The following NPFFR2 variants were observed in gnomAD, a reference collection of about 807,000 sequenced individuals.
NPFFR2 encodes the protein neuropeptide FF receptor 2.
Under a neutral mutation model 13.1 loss-of-function variants are expected in NPFFR2, and 15 were observed. The observed-to-expected ratio is 1.15, with a 90% CI of 0.77 to 1.76. The LOEUF is 1.76. Ranked by LOEUF, NPFFR2 falls within the 40% of genes most tolerant of loss-of-function variation. NPFFR2 has a pLI of 0.00. For synonymous variants in NPFFR2, 190 were observed against 175.7 expected (o/e 1.08, Z -0.65); for missense variants, 572 against 503.5 (o/e 1.14, Z -1.30).
chr4:72,048,900 G>A (rs1278287087), intron 1 of NPFFR2, among the ~76,000 whole-genome samples: 6 of 151,884 alleles, frequency 4.0e-5, no homozygotes, highest in Non-Finnish European at 7.4e-5. Context: ...TGAGGGGTCA[G>A]GTTTCTTATT....
chr4:72,146,867 T>G (rs981982136), intron 3 of NPFFR2, 111 bp from the exon 4 acceptor site: 12 of 709,084 alleles, frequency 1.7e-5, no homozygotes, highest in Non-Finnish European at 2.2e-5. Flanking sequence ...CTTTCTATAT[T>G]TTTGAGGAGA....
intron 2 of NPFFR2, among the ~76,000 whole-genome samples, chr4:72,132,679 A>G (rs1722286735): frequency 6.6e-6 from 1 of 152,144 alleles, no homozygotes; most frequent in Non-Finnish European, 1.5e-5. Context: ...TGACTTTTTA[A>G]TAGTAGCCAC....
intron 1 of NPFFR2, among the ~76,000 whole-genome samples, chr4:72,039,656 C>G (rs1258147997): frequency 1.3e-5 from 2 of 152,088 alleles, no homozygotes; most frequent in South Asian, 2.1e-4. Flanking sequence ...TCAACCATTC[C>G]CTTCTTGATA....
intron 1 of NPFFR2, among the ~76,000 whole-genome samples, chr4:72,127,947 G>C (rs1346227190): frequency 2.0e-5 from 3 of 151,944 alleles, no homozygotes; most frequent in Admixed American, 2.0e-4. Flanking sequence ...GGTCATGATG[G>C]CGTGCACCTG....
chr4:72,147,371 G>T lies in NPFFR2; in HGVS notation c.822G>T (p.Lys274Asn). Residue 274 changes from lysine to asparagine, a missense_variant, in exon 4 of 4, where the codon AAG becomes AAT. Transcript: ENST00000308744. The part of the protein sequence containing the change: ...VVSRKKQKII[K>N]MLLIVALLFI... ...CCAGGAAGAAGCAGAAGATCATTAA[G>T]ATGCTCCTGATTGTGGCCCTGCTTT... The T allele has an allele frequency of 6.2e-7, 1 of 1,614,194 alleles. No individual in the cohort carries two copies. The highest frequency in any genetic ancestry group is 8.5e-7 in the Non-Finnish European group (1 of 1,180,044).
At chr4:72,076,669 G>A (rs1050699892) in intron 1 of NPFFR2, among the ~76,000 whole-genome samples, 4 of 152,112 alleles carry the variant, frequency 2.6e-5, no homozygotes, top group African/African-American at 9.7e-5. Flanking sequence ...TTTTCTTCAG[G>A]ATGATTAAGA....
intron 1 of NPFFR2, among the ~76,000 whole-genome samples, chr4:72,105,102 T>C (rs1172410080): frequency 6.6e-6 from 1 of 151,490 alleles, no homozygotes; most frequent in Admixed American, 6.6e-5. Flanking sequence ...TTCAATGTAA[T>C]ATATACACTT....
chr4:72,076,788 A>G (rs1406139117), intron 1 of NPFFR2, among the ~76,000 whole-genome samples: 1 of 152,158 alleles, frequency 6.6e-6, no homozygotes, highest in East Asian at 1.9e-4. Flanking sequence ...TTCAACAGTC[A>G]TCCAGCAAGA....
At chr4:72,076,312 A>T (rs1028786860) in intron 1 of NPFFR2, among the ~76,000 whole-genome samples, 1 of 152,034 alleles carries the variant, frequency 6.6e-6, no homozygotes, top group African/African-American at 2.4e-5. Context: ...TGAGTAAGAT[A>T]CTTTGTATTT....
intron 1 of NPFFR2, among the ~76,000 whole-genome samples, chr4:72,104,820 A>C (rs1721372616): frequency 6.6e-6 from 1 of 151,950 alleles, no homozygotes; most frequent in South Asian, 2.1e-4. Flanking sequence ...TTAGTATGAA[A>C]TATACATTCA....
chr4:72,112,194 A>G (rs560368635), intron 1 of NPFFR2, among the ~76,000 whole-genome samples: 7 of 152,012 alleles, frequency 4.6e-5, no homozygotes, highest in Non-Finnish European at 1.0e-4. Context: ...AGTTGATTTG[A>G]TTTTTCTAGA....
intron 1 of NPFFR2, among the ~76,000 whole-genome samples, chr4:72,065,122 G>A (rs1720029791): frequency 6.6e-6 from 1 of 150,868 alleles, no homozygotes; most frequent in Middle Eastern, 3.2e-3. Flanking sequence ...TATGACAAAG[G>A]CAATTTTCAC....
chr4:72,092,047 T>G (rs1029940781), intron 1 of NPFFR2, among the ~76,000 whole-genome samples: 6 of 152,086 alleles, frequency 3.9e-5, no homozygotes, highest in Non-Finnish European at 7.4e-5. Flanking sequence ...ACTATTATCA[T>G]TCAATTCAAA....
intron 2 of NPFFR2, among the ~76,000 whole-genome samples, chr4:72,134,951 G>C (rs780742261): frequency 4.6e-4 from 70 of 152,090 alleles, no homozygotes; most frequent in Non-Finnish European, 7.6e-4. Context: ...TCTGAGAAAT[G>C]GTTTATTGAG....
rs1718942420 is a variant in NPFFR2, at chr4:72,032,185, G to A, written c.-23G>A. On this transcript the variant is annotated 5_prime_UTR_variant, in exon 1 of 4. Transcript: ENST00000308744. The stretch of plus-strand genomic sequence containing the variant: ...TGGATTCTGGTTCCTGCCGCCGACA[G>A]GGCTCGCCGGGAGAGGTAACAGCAT... 6.2e-7 allele frequency: 1 copy of A among 1,609,612 alleles called. No individual in the cohort carries two copies. Among genetic ancestry groups the A allele is most frequent in the Admixed American group, 1.7e-5 (1 of 59,738 alleles).
At chr4:72,131,357 T>TACACC (rs948645232) in intron 2 of NPFFR2, among the ~76,000 whole-genome samples, 2 of 148,068 alleles carry the variant, frequency 1.4e-5, no homozygotes, top group African/African-American at 5.0e-5. Flanking sequence ...AAAGAGGGTG[T>TACACC]ACACCGCATA....
intron 1 of NPFFR2, among the ~76,000 whole-genome samples, chr4:72,076,231 A>G (rs945992355): frequency 7.3e-6 from 1 of 137,312 alleles, no homozygotes; most frequent in African/African-American, 2.7e-5. Context: ...TTAAAAAAAT[A>G]AAATGACCTT....
In NPFFR2 at chr4:72,095,843, C is replaced by T. The variant is rs538794954; in HGVS notation, c.-7-32742C>T. On this transcript the variant is annotated intron_variant, in intron 1 of 3. Coordinates refer to ENST00000308744, the MANE Select transcript of NPFFR2 (RefSeq NM_004885.3). ...GAAAGTTCACGGGGCTTAGCTCATT[C>T]TCTGCTCCGTAGCCTCAAAACTCTC... 2.2e-4 allele frequency among the ~76,000 whole-genome samples: 33 copies of T among 152,288 alleles called. No individual in the cohort carries two copies. The South Asian group carries it at 6.4e-3, about 30-fold the overall frequency.
chr4:72,068,856 C>G, intron 1 of NPFFR2: 11 of 258,770 alleles, frequency 4.3e-5, no homozygotes, highest in Admixed American at 1.1e-4. Context: ...TTTTTTTTAT[C>G]TTATCTTTTT....
Sources: gnomAD v4.1 joint callset for allele counts (sites outside exome capture counted in the v4.1 genomes callset) on GRCh38, gnomAD v4.1.1 for gene constraint, MANE v1.5 for transcripts, NCBI Gene and HGNC (gene_info 2026-07-23, HGNC 2026-07-21) for gene names.